Variants in LEPROTL1 observed in about 807,000 individuals in gnomAD.
LEPROTL1 encodes leptin receptor overlapping transcript like 1.
Under a neutral mutation model 15.4 loss-of-function variants are expected in LEPROTL1, and 6 were observed. The ratio of observed to expected loss-of-function variants is 0.39; its 90% confidence interval spans 0.21 to 0.77. The LOEUF is 0.77. LEPROTL1 is among the 30% of genes least tolerant of loss of function. LEPROTL1 has a pLI of 0.41. For synonymous variants in LEPROTL1, 56 were observed against 52.6 expected (o/e 1.06, Z -0.28); for missense variants, 128 against 158.1 (o/e 0.81, Z 1.02).
intron 3 of LEPROTL1, among the ~76,000 whole-genome samples, chr8:30,116,671 G>A (rs976567775): frequency 5.3e-5 from 8 of 152,172 alleles, no homozygotes; most frequent in African/African-American, 1.7e-4. Context: ...CCTGTCTTAC[G>A]TGATAAATGT....
chr8:30,130,481 G>C (rs1287146341), intron 3 of LEPROTL1, among the ~76,000 whole-genome samples: 1 of 152,188 alleles, frequency 6.6e-6, no homozygotes, highest in Admixed American at 6.5e-5. Flanking sequence ...CATTGCTACT[G>C]CATAATTTAG....
chr8:30,132,095 TGTGGGCCCAGGTGAGG>T, intron 3 of LEPROTL1: 1 of 1,551,670 alleles, frequency 6.4e-7, no homozygotes, highest in African/African-American at 1.4e-5. Flanking sequence ...ATCAACTGGG[TGTGGGCCCAGGTGAGG>T]GTTCTATAGA....
At chr8:30,117,333 TTTA>T in intron 3 of LEPROTL1, 1 of 866,894 alleles carries the variant, frequency 1.2e-6, no homozygotes, top group Non-Finnish European at 1.8e-6. Flanking sequence ...TTTTTTTTTT[TTTA>T]ATTGTCTGTG....
chr8:30,127,644 A>G, intron 3 of LEPROTL1, among the ~76,000 whole-genome samples: 1 of 148,294 alleles, frequency 6.7e-6, no homozygotes. Context: ...ATGCCAGCCT[A>G]GGTGACAGAG....
intron 3 of LEPROTL1, among the ~76,000 whole-genome samples, chr8:30,119,753 G>A (rs1342222463): frequency 6.6e-6 from 1 of 152,116 alleles, no homozygotes; most frequent in African/African-American, 2.4e-5. Context: ...AATATGGAGA[G>A]TTTTTTCGTG....
chr8:30,121,890 G>T (rs955940228), intron 3 of LEPROTL1, among the ~76,000 whole-genome samples: 1 of 151,942 alleles, frequency 6.6e-6, no homozygotes, highest in African/African-American at 2.4e-5. Context: ...AATTAGGCTG[G>T]CACAGTGGCT....
chr8:30,132,124 A>G, intron 3 of LEPROTL1: 1 of 1,551,778 alleles, frequency 6.4e-7, no homozygotes. Flanking sequence ...TCTATAGAAC[A>G]GCCTCATCGG....
chr8:30,106,382 C>G lies in LEPROTL1; in HGVS notation c.*520C>G, dbSNP rs1339026971. The G allele has an allele frequency of 6.1e-6, 6 of 985,748 alleles. No individual in the cohort carries two copies. The highest frequency in any genetic ancestry group is 7.2e-6 in the Non-Finnish European group (6 of 829,936). 61.1% of individuals were successfully genotyped at this position (985,748 alleles called of 1,614,324 possible). Reference sequence around the variant, plus strand: ...ACAGACGGTTGGCATACGTTATAGACTGTATACTCAGTGCAAATATAGCTG... The same window carrying G: ...ACAGACGGTTGGCATACGTTATAGAGTGTATACTCAGTGCAAATATAGCTG... On this transcript the variant is annotated 3_prime_UTR_variant, in exon 4 of 4. Coordinates refer to ENST00000321250, the MANE Select transcript of LEPROTL1 (RefSeq NM_015344.3).
intron 1 of LEPROTL1, among the ~76,000 whole-genome samples, chr8:30,100,902 T>C (rs748276991): frequency 6.6e-5 from 10 of 152,108 alleles, no homozygotes; most frequent in Non-Finnish European, 1.3e-4. Context: ...GAAACTATAT[T>C]TCACCTGTAG....
chr8:30,132,981 A>G, intron 4 of LEPROTL1: 2 of 1,413,516 alleles, frequency 1.4e-6, no homozygotes, highest in Non-Finnish European at 1.9e-6. Flanking sequence ...TCTGTCATAC[A>G]TGATCTCGCA....
intron 1 of LEPROTL1, among the ~76,000 whole-genome samples, chr8:30,101,092 G>A (rs891629512): frequency 1.3e-5 from 2 of 151,974 alleles, no homozygotes; most frequent in Non-Finnish European, 2.9e-5. Flanking sequence ...AGATATTCTC[G>A]GGCATTTTTT....
intron 1 of LEPROTL1, chr8:30,096,265 G>A (rs1802364577): frequency 3.1e-6 from 3 of 967,564 alleles, no homozygotes; most frequent in Non-Finnish European, 3.7e-6. Context: ...GCTTATTCAT[G>A]TATTTTCTTT....
Position 30,099,705 on chromosome 8 carries a change from T to G in LEPROTL1, c.17-2193T>G, listed in dbSNP as rs550051703. Among the ~76,000 whole-genome samples, 28 of 143,874 alleles carry G rather than the reference T, an allele frequency of 1.9e-4. 1 individual carries two copies. Among genetic ancestry groups the G allele is most frequent in the African/African-American group, 7.1e-4 (27 of 38,118 alleles). 94.4% of individuals were successfully genotyped at this position (143,874 alleles called of 152,430 possible). ...TAAGTTGGAGGAAAGTAGAGAGGAGTGGGAAAGGACCATGCCTCATTCACT... is the reference window on the plus strand; with the variant it reads ...TAAGTTGGAGGAAAGTAGAGAGGAGGGGGAAAGGACCATGCCTCATTCACT... On this transcript the variant is annotated intron_variant, in intron 1 of 3. Transcript: ENST00000321250.
chr8:30,109,673 G>A (rs183475401), downstream of LEPROTL1, among the ~76,000 whole-genome samples: 10 of 151,948 alleles, frequency 6.6e-5, no homozygotes, highest in Admixed American at 4.6e-4. Context: ...TTTCCAAGTT[G>A]CTGACTTACA....
Position 30,106,398 on chromosome 8 carries a change from A to G in LEPROTL1, c.*536A>G. 3.0e-6 allele frequency: 3 copies of G among 985,856 alleles called. No individual in the cohort carries two copies. The highest frequency in any genetic ancestry group is 3.6e-6 in the Non-Finnish European group (3 of 829,934). 61.1% of individuals were successfully genotyped at this position (985,856 alleles called of 1,614,324 possible). ...CGTTATAGACTGTATACTCAGTGCAAATATAGCTGCATTTATACCTCAGAG... is the reference window on the plus strand; with the variant it reads ...CGTTATAGACTGTATACTCAGTGCAGATATAGCTGCATTTATACCTCAGAG... On this transcript the variant is annotated 3_prime_UTR_variant, in exon 4 of 4. Transcript: ENST00000321250.
Position 30,107,500 on chromosome 8 carries a change from G to T in LEPROTL1, c.*1638G>T. 1.0e-6 allele frequency: 1 copy of T among 985,680 alleles called. No individual in the cohort carries two copies. Among genetic ancestry groups the T allele is most frequent in the Non-Finnish European group, 1.2e-6 (1 of 829,834 alleles). The allele number at this position is 985,680 out of a possible 1,614,324, so 61.1% of individuals were successfully genotyped here. A position where few individuals can be genotyped will look rare whatever the true frequency, so the allele number is the denominator to read the frequency against. On this transcript the variant is annotated 3_prime_UTR_variant, in exon 4 of 4. Coordinates refer to ENST00000321250, the MANE Select transcript of LEPROTL1 (RefSeq NM_015344.3). Reference sequence around the variant, plus strand: ...TCTCAAGAAAATGGGAATAAATTTGGGATTTGTTCAGCTTTTTTACTAAAG... The same window carrying T: ...TCTCAAGAAAATGGGAATAAATTTGTGATTTGTTCAGCTTTTTTACTAAAG...
rs559252814 is a variant in LEPROTL1 at position 30,099,949 on chromosome 8, G to A, written c.17-1949G>A. On this transcript the variant is annotated intron_variant, in intron 1 of 3. Coordinates refer to ENST00000321250, the MANE Select transcript of LEPROTL1 (RefSeq NM_015344.3). Reference sequence around the variant, plus strand: ...GTCACAGGAGAGGTGGGCAGGGCCCGGTCATGAGAACCAATTTGGAACTGA... The same window carrying A: ...GTCACAGGAGAGGTGGGCAGGGCCCAGTCATGAGAACCAATTTGGAACTGA... Among the ~76,000 whole-genome samples, 29 of 152,356 alleles carry A rather than the reference G, an allele frequency of 1.9e-4. No homozygotes were observed. In the South Asian group the frequency reaches 4.8e-3, roughly 25 times the overall value.
In LEPROTL1 at chr8:30,107,334, A is replaced by G. The variant is rs1761046635; in HGVS notation, c.*1472A>G. 1 of 985,696 alleles carries G rather than the reference A, an allele frequency of 1.0e-6. No homozygotes were observed. The highest frequency in any genetic ancestry group is 1.2e-6 in the Non-Finnish European group (1 of 829,884). 61.1% of individuals were successfully genotyped at this position (985,696 alleles called of 1,614,324 possible). On this transcript the variant is annotated 3_prime_UTR_variant, in exon 4 of 4. Coordinates refer to ENST00000321250, the MANE Select transcript of LEPROTL1 (RefSeq NM_015344.3). ...GGACTTTTTTCAGGAGTGGGTTATA[A>G]AAACATTCAAGTTGGTCTGACAGTA... is the stretch of plus-strand genomic sequence containing the variant.
intron 1 of LEPROTL1, among the ~76,000 whole-genome samples, chr8:30,096,719 G>T (rs989225391): frequency 1.3e-5 from 2 of 152,118 alleles, no homozygotes; most frequent in African/African-American, 4.8e-5. Context: ...TAATGCGGGG[G>T]TCTCTTAAGA....
Sources: gnomAD v4.1 joint callset for allele counts (sites outside exome capture counted in the v4.1 genomes callset) on GRCh38, gnomAD v4.1.1 for gene constraint, MANE v1.5 for transcripts, NCBI Gene and HGNC (gene_info 2026-07-23, HGNC 2026-07-21) for gene names.